The following EDIL3 variants were observed in gnomAD, a reference collection of about 807,000 sequenced individuals.
EDIL3 encodes the protein EGF-like repeat and discoidin I-like domain-containing protein 3.
In EDIL3, 37 loss-of-function variants were observed where a neutral mutation model predicts 67.4. The observed-to-expected ratio is 0.55, with a 90% confidence interval of 0.42 to 0.72. The LOEUF (loss-of-function observed/expected upper bound fraction) is 0.72, where lower values mean the gene tolerates loss of function less well. EDIL3 is among the 30% of genes least tolerant of loss of function. The probability of loss-of-function intolerance (pLI) is 0.00; values close to 1 mark genes in which losing one functional copy is unlikely to be tolerated. For synonymous variants in EDIL3, 195 were observed against 196.3 expected (o/e 0.99, Z 0.05); for missense variants, 527 against 586.3 (o/e 0.90, Z 1.04).
intron 3 of EDIL3, among the ~76,000 whole-genome samples, chr5:84,185,771 A>G (rs1743415583): frequency 6.6e-6 from 1 of 152,154 alleles, no homozygotes; most frequent in Non-Finnish European, 1.5e-5. Flanking sequence ...AATGTATTAC[A>G]CTGAATTGTA....
At chr5:84,308,469 T>C (rs898196552) in intron 1 of EDIL3, among the ~76,000 whole-genome samples, 4 of 152,222 alleles carry the variant, frequency 2.6e-5, no homozygotes, top group Admixed American at 2.6e-4. Context: ...TAGTCTGCTG[T>C]ACAGCAGTTT....
At chr5:84,052,251 G>C (rs1171028686) in intron 9 of EDIL3, among the ~76,000 whole-genome samples, 1 of 152,134 alleles carries the variant, frequency 6.6e-6, no homozygotes, top group Non-Finnish European at 1.5e-5. Flanking sequence ...TTACAGACAA[G>C]CAAATGCTGA....
intron 1 of EDIL3, among the ~76,000 whole-genome samples, chr5:84,272,701 T>C (rs141769920): frequency 4.3e-4 from 65 of 152,308 alleles, no homozygotes; most frequent in Non-Finnish European, 6.3e-4. Context: ...TCTGATATTC[T>C]ATGCTAGGGT....
intron 3 of EDIL3, among the ~76,000 whole-genome samples, chr5:84,199,795 AG>A (rs1343442315): frequency 6.6e-6 from 1 of 152,032 alleles, no homozygotes; most frequent in Non-Finnish European, 1.5e-5. Context: ...AAGGAAAAAC[AG>A]GCTTCCATGT....
At chr5:84,112,578 C>T (rs894376364) in intron 5 of EDIL3, among the ~76,000 whole-genome samples, 5 of 152,164 alleles carry the variant, frequency 3.3e-5, no homozygotes, top group African/African-American at 1.2e-4. Flanking sequence ...CCTTCTCTTG[C>T]TATACTGATT....
intron 4 of EDIL3, among the ~76,000 whole-genome samples, chr5:84,173,092 A>C (rs567825031): frequency 1.3e-5 from 2 of 152,322 alleles, no homozygotes; most frequent in Admixed American, 6.5e-5. Context: ...GAGAAGGAGA[A>C]ATCTGCGAGA....
chr5:84,311,245 G>A (rs1159682391), intron 1 of EDIL3, among the ~76,000 whole-genome samples: 1 of 150,808 alleles, frequency 6.6e-6, no homozygotes, highest in Non-Finnish European at 1.5e-5. Context: ...ATTAGCTTCA[G>A]AAGATGGTAA....
chr5:84,260,498 G>A (rs1745206888), intron 1 of EDIL3, among the ~76,000 whole-genome samples: 1 of 152,136 alleles, frequency 6.6e-6, no homozygotes. Flanking sequence ...TGTGTTCCTG[G>A]TAATCAAGGG....
intron 4 of EDIL3, among the ~76,000 whole-genome samples, chr5:84,164,182 A>G (rs1005136951): frequency 2.0e-5 from 3 of 152,074 alleles, no homozygotes; most frequent in Admixed American, 2.0e-4. Context: ...ACATATGAAG[A>G]GACGTAGATA....
intron 1 of EDIL3, among the ~76,000 whole-genome samples, chr5:84,323,456 AT>A (rs1383921892): frequency 6.6e-6 from 1 of 152,014 alleles, no homozygotes; most frequent in African/African-American, 2.4e-5. Context: ...ATGTTTCAAT[AT>A]AAAAAATCAA....
chr5:84,224,951 A>C (rs1744420904), intron 3 of EDIL3, among the ~76,000 whole-genome samples: 2 of 151,604 alleles, frequency 1.3e-5, no homozygotes, highest in African/African-American at 4.8e-5. Flanking sequence ...GTTTGTAATT[A>C]GATCTTAAAA....
At chr5:84,176,431 T>C (rs1455696739) in intron 4 of EDIL3, among the ~76,000 whole-genome samples, 1 of 150,450 alleles carries the variant, frequency 6.6e-6, no homozygotes, top group Non-Finnish European at 1.5e-5. Flanking sequence ...CCCTCTTTTC[T>C]TGAAAAGTAG....
At chr5:84,194,440 A>G (rs1438980854) in intron 3 of EDIL3, among the ~76,000 whole-genome samples, 1 of 151,966 alleles carries the variant, frequency 6.6e-6, no homozygotes, top group Non-Finnish European at 1.5e-5. Flanking sequence ...TGTGTGGAAG[A>G]AAAAACCAAA....
chr5:84,122,783 C>A (rs1033944407), intron 5 of EDIL3, among the ~76,000 whole-genome samples: 1 of 151,894 alleles, frequency 6.6e-6, no homozygotes, highest in Admixed American at 6.6e-5. Context: ...TTCTCCGTCA[C>A]CGTTGTTCTG....
intron 9 of EDIL3, among the ~76,000 whole-genome samples, chr5:84,026,962 A>G (rs1017393313): frequency 6.6e-5 from 10 of 152,014 alleles, no homozygotes; most frequent in African/African-American, 2.4e-4. Context: ...AGGTATGGTG[A>G]CATGCGCCTG....
intron 1 of EDIL3, among the ~76,000 whole-genome samples, chr5:84,375,440 G>A (rs1300098918): frequency 2.6e-5 from 4 of 152,040 alleles, no homozygotes; most frequent in South Asian, 4.1e-4. Flanking sequence ...TAATTGATGT[G>A]GTTTGAGATT....
chr5:84,007,715 T>C (rs1405093603), intron 9 of EDIL3, among the ~76,000 whole-genome samples: 1 of 152,156 alleles, frequency 6.6e-6, no homozygotes, highest in African/African-American at 2.4e-5. Context: ...GAGAACAGTA[T>C]GGAGATTCTT....
intron 10 of EDIL3, among the ~76,000 whole-genome samples, chr5:83,943,782 C>A (rs1156316632): frequency 6.6e-6 from 1 of 151,780 alleles, no homozygotes; most frequent in Non-Finnish European, 1.5e-5. Context: ...TTGTTTAATG[C>A]AGACATTCAT....
At chr5:84,036,855 G>T (rs1275053178) in intron 9 of EDIL3, among the ~76,000 whole-genome samples, 1 of 152,088 alleles carries the variant, frequency 6.6e-6, no homozygotes, top group African/African-American at 2.4e-5. Context: ...CAGAGAAGGT[G>T]ACAGGGTTGG....
Sources: allele counts gnomAD v4.1 joint callset (sites outside exome capture counted in the v4.1 genomes callset), GRCh38; gene constraint gnomAD v4.1.1; transcripts MANE v1.5; gene names NCBI Gene and HGNC (gene_info 2026-07-23, HGNC 2026-07-21).